MYO5B: variants seen among roughly 807,000 people sequenced by gnomAD.
The protein encoded by MYO5B is myosin VB, also known as unconventional myosin-Vb.
MYO5B carries 143 observed loss-of-function variants against 229.3 expected under a neutral mutation model. That is an observed-to-expected ratio of 0.62 (90% CI 0.54 to 0.72). The LOEUF (loss-of-function observed/expected upper bound fraction) is 0.72. Among genes scored for constraint, MYO5B ranks in the 30% least tolerant of loss-of-function variants. MYO5B has a pLI of 0.00. For synonymous variants in MYO5B, 918 were observed against 885.2 expected (o/e 1.04, Z -0.66); for missense variants, 2,321 against 2,331.0 (o/e 1.00, Z 0.09).
At chr18:49,904,014 G>A (rs1338976102) in intron 20 of MYO5B, among the ~76,000 whole-genome samples, 1 of 152,254 alleles carries the variant, frequency 6.6e-6, no homozygotes, top group Non-Finnish European at 1.5e-5. Flanking sequence ...TGGGTCACCT[G>A]GCCCTGCTGT....
At chr18:50,145,436 G>A (rs370377166) in intron 1 of MYO5B, among the ~76,000 whole-genome samples, 2 of 137,486 alleles carry the variant, frequency 1.5e-5, no homozygotes, top group South Asian at 2.4e-4. Flanking sequence ...GCAGTGAGCC[G>A]AGATTGAGCT....
At position 49,856,890 on chromosome 18, in the gene MYO5B, G is replaced by C. The variant is rs771017781; in HGVS notation, c.3945C>G (p.Ser1315Arg). Residue 1315 changes from serine to arginine, a missense_variant and splice_region_variant, in exon 30 of 40, where the codon AGC (serine) becomes AGG (arginine). This residue lies in a region of MYO5B where 2,113 missense variants were observed against 2,044.7 expected (regional missense o/e 1.03). Transcript: ENST00000285039. ...EAYHGVCQTN[S>R]KTEDWGYLNE... The stretch of plus-strand genomic sequence containing the variant: ...TTAAATATCCCCAATCCTCAGTCTT[G>C]CTAGAAACAAAGGACAGAAAAACAG... 3.7e-6 allele frequency: 6 copies of C among 1,613,654 alleles called. No individual in the cohort carries two copies. The highest frequency in any genetic ancestry group is 3.3e-4 in the Middle Eastern group (2 of 6,084).
In MYO5B at chr18:49,951,555, T is replaced by C. The variant is rs572741816; in HGVS notation, c.1752+1705A>G. On this transcript the variant is annotated intron_variant, in intron 14 of 39. Transcript: ENST00000285039. ...TAATAAAAGATAACCTGCTGGAGAGTGAATATAACAGAGTTTTCCGGGCAC... is the reference window on the plus strand; with the variant it reads ...TAATAAAAGATAACCTGCTGGAGAGCGAATATAACAGAGTTTTCCGGGCAC... 1.0e-3 allele frequency among the ~76,000 whole-genome samples: 157 copies of C among 151,912 alleles called. 1 individual carries two copies. The highest frequency in any genetic ancestry group is 1.0e-3 in the Non-Finnish European group (71 of 67,950).
intron 26 of MYO5B, among the ~76,000 whole-genome samples, chr18:49,872,815 A>C (rs1209783361): frequency 2.0e-5 from 3 of 152,158 alleles, no homozygotes; most frequent in African/African-American, 7.2e-5. Flanking sequence ...GGCTGTCAAC[A>C]CCTTGATTTC....
At chr18:49,993,295 C>CA (rs1246215572) in intron 5 of MYO5B, among the ~76,000 whole-genome samples, 4 of 151,628 alleles carry the variant, frequency 2.6e-5, no homozygotes, top group Admixed American at 6.6e-5. Context: ...AAAGAAAAGC[C>CA]AAAATCCCAA....
chr18:50,048,054 G>A (rs180687939), intron 2 of MYO5B, among the ~76,000 whole-genome samples: 4 of 150,544 alleles, frequency 2.7e-5, no homozygotes, highest in African/African-American at 4.9e-5. Flanking sequence ...AAACCTGCAC[G>A]TTGTGCACAT....
At chr18:50,119,479 G>A (rs2032022426) in intron 1 of MYO5B, among the ~76,000 whole-genome samples, 1 of 152,176 alleles carries the variant, frequency 6.6e-6, no homozygotes, top group Non-Finnish European at 1.5e-5. Context: ...GTGGGCTGTA[G>A]AAGTTTTCTG....
chr18:49,882,355 G>C (rs1273474624), intron 22 of MYO5B, among the ~76,000 whole-genome samples: 1 of 6,208 alleles, frequency 1.6e-4, no homozygotes, highest in Non-Finnish European at 2.7e-4. Flanking sequence ...GCCAGGTACC[G>C]TGCGTGGCTC....
intron 22 of MYO5B, among the ~76,000 whole-genome samples, chr18:49,880,993 GCTGA>G (rs1299322971): frequency 1.3e-5 from 2 of 152,212 alleles, no homozygotes; most frequent in Non-Finnish European, 2.9e-5. Context: ...GAGTCAAGTT[GCTGA>G]CTGACAACCA....
chr18:49,978,388 C>T (rs1028980617), intron 9 of MYO5B, among the ~76,000 whole-genome samples: 1 of 152,146 alleles, frequency 6.6e-6, no homozygotes, highest in Non-Finnish European at 1.5e-5. Flanking sequence ...ACTTCACTTA[C>T]AGGCTTAAGC....
intron 3 of MYO5B, among the ~76,000 whole-genome samples, chr18:50,039,594 G>C (rs2029944843): frequency 6.6e-6 from 1 of 152,318 alleles, no homozygotes; most frequent in East Asian, 1.9e-4. Context: ...GCCTCCCAAA[G>C]TGCTGGGATT....
intron 7 of MYO5B, among the ~76,000 whole-genome samples, chr18:49,988,132 A>G (rs1199811027): frequency 6.6e-6 from 1 of 152,206 alleles, no homozygotes; most frequent in Non-Finnish European, 1.5e-5. Flanking sequence ...TCTTGCAGAG[A>G]CTTGTGTGCA....
At chr18:49,914,002 G>C (rs926478862) in intron 17 of MYO5B, among the ~76,000 whole-genome samples, 1 of 151,924 alleles carries the variant, frequency 6.6e-6, no homozygotes, top group Non-Finnish European at 1.5e-5. Context: ...ATCCCGCTAA[G>C]AGCCACCTCC....
In MYO5B at chr18:49,906,508, G is replaced by A. The variant is rs772879080; in HGVS notation, c.2325C>T (p.Val775=). The A allele has an allele frequency of 1.2e-6, 2 of 1,614,032 alleles. No homozygotes were observed. The highest frequency in any genetic ancestry group is 1.7e-5 in the Admixed American group (1 of 59,996). The part of the protein sequence containing the change: ...RTATIMIQKT[V]RGWLQKVKYH... ...ATTTCACCTTCTGCAGCCATCCCCGGACAGTTTTCTGGATCATGATGGTGG... is the reference window on the plus strand; with the variant it reads ...ATTTCACCTTCTGCAGCCATCCCCGAACAGTTTTCTGGATCATGATGGTGG... The change falls in exon 19 of 40, where the codon GTC becomes GTT. Residue 775 remains valine (V), a synonymous_variant. Transcript: ENST00000285039.
chr18:49,888,521 G>A (rs937110303), intron 22 of MYO5B, among the ~76,000 whole-genome samples: 4 of 152,266 alleles, frequency 2.6e-5, no homozygotes, highest in African/African-American at 4.8e-5. Context: ...GGAAGGGCAC[G>A]GGTTTGGGAA....
chr18:49,871,762 G>A (rs946932226), intron 27 of MYO5B: 6 of 296,492 alleles, frequency 2.0e-5, no homozygotes, highest in South Asian at 1.1e-4. Flanking sequence ...GGGCCTGTTC[G>A]GAAGCCCCTT....
At chr18:49,932,637 G>A (rs1468603027) in intron 16 of MYO5B, among the ~76,000 whole-genome samples, 1 of 152,104 alleles carries the variant, frequency 6.6e-6, no homozygotes, top group African/African-American at 2.4e-5. Context: ...CAACTATAAA[G>A]CAGTGGTGGC....
intron 14 of MYO5B, among the ~76,000 whole-genome samples, chr18:49,945,528 C>G (rs537039380): frequency 2.2e-4 from 34 of 152,106 alleles, no homozygotes; most frequent in African/African-American, 7.7e-4. Context: ...TGGATCACTA[C>G]AGTCACCGAA....
chr18:50,105,429 TG>T (rs2031739966), intron 1 of MYO5B, among the ~76,000 whole-genome samples: 4 of 152,112 alleles, frequency 2.6e-5, no homozygotes, highest in Admixed American at 2.6e-4. Flanking sequence ...TATGAAGCAA[TG>T]CTTCTTCCCT....
Sources: gnomAD v4.1 joint callset for allele counts (sites outside exome capture counted in the v4.1 genomes callset) on GRCh38, gnomAD v4.1.1 for gene constraint, gnomAD v4.1.1 regional missense constraint, MANE v1.5 for transcripts, NCBI Gene and HGNC (gene_info 2026-07-23, HGNC 2026-07-21) for gene names.